Variants in XG observed in about 807,000 individuals in gnomAD.
XG encodes glycoprotein Xg.
Under a neutral mutation model 25.7 loss-of-function variants are expected in XG, and 24 were observed. The ratio of observed to expected loss-of-function variants is 0.93; its 90% confidence interval spans 0.68 to 1.31. The LOEUF (loss-of-function observed/expected upper bound fraction) is 1.31, where lower values mean the gene tolerates loss of function less well. Ranked by LOEUF, XG falls within the 40% of genes most tolerant of loss-of-function variation. The pLI, the probability that XG is intolerant of heterozygous loss-of-function variation, is 0.00. For missense variants in XG, 181 were observed against 187.6 expected, an observed-to-expected ratio of 0.96 and a Z score of 0.21; for synonymous variants, 77 against 69.2, an observed-to-expected ratio of 1.11 and a Z score of -0.56.
chrX:2,768,108 A>G (rs920637477), intron 1 of XG, among the ~76,000 whole-genome samples: 1 of 152,088 alleles, frequency 6.6e-6, no homozygotes, highest in African/African-American at 2.4e-5. Context: ...ATGCAACAGC[A>G]TTTCAGAGAG....
chrX:2,754,801 A>G (rs2050400260), intron 1 of XG, among the ~76,000 whole-genome samples: 1 of 152,214 alleles, frequency 6.6e-6, no homozygotes, highest in South Asian at 2.1e-4. Context: ...GCAGCTGATT[A>G]GATGGTGCCC....
chrX:2,765,526 C>T (rs937828902), intron 1 of XG, among the ~76,000 whole-genome samples: 2 of 152,118 alleles, frequency 1.3e-5, no homozygotes, highest in Non-Finnish European at 2.9e-5. Context: ...GTTGCACGTC[C>T]CGTAATGATT....
intron 1 of XG, among the ~76,000 whole-genome samples, chrX:2,764,067 G>T (rs1422885331): frequency 6.6e-6 from 1 of 152,202 alleles, no homozygotes; most frequent in Non-Finnish European, 1.5e-5. Flanking sequence ...ACAGCTTGCC[G>T]TAAAGAAGTC....
At chrX:2,772,530 G>A (rs1279729389) in intron 2 of XG, among the ~76,000 whole-genome samples, 1 of 152,158 alleles carries the variant, frequency 6.6e-6, no homozygotes, top group Admixed American at 6.6e-5. Context: ...ACAGAAAGTG[G>A]ATTAGCGATT....
intron 10 of XG, 83 bp downstream of exon 10, chrX:2,811,535 C>T: frequency 1.4e-6 from 1 of 705,172 alleles, no homozygotes; most frequent in African/African-American, 2.1e-5. Flanking sequence ...CTGTCACTAG[C>T]AAGGTTATTT....
At chrX:2,781,620 C>G (rs1242839642) in intron 3 of XG, among the ~76,000 whole-genome samples, 24 of 112,048 alleles carry the variant, frequency 2.1e-4, no homozygotes, top group Non-Finnish European at 5.6e-5. Context: ...GAAATAAAAA[C>G]TCTCTTCCTC....
chrX:2,811,201 A>G, intron 9 of XG, 135 bp from the exon 10 acceptor site: 1 of 430,533 alleles, frequency 2.3e-6, no homozygotes, highest in Non-Finnish European at 4.1e-6. Flanking sequence ...GATAGATGCA[A>G]AAGTTATTGC....
rs199612869 is a variant in XG at position 2,801,341 on chromosome X, GAGAGAA to G, written c.373+3987_373+3992del. Among the ~76,000 whole-genome samples the G allele has an allele frequency of 8.0e-3, 889 of 110,518 alleles. 11 individuals carry two copies. Among genetic ancestry groups the G allele is most frequent in the African/African-American group, 0.028 (850 of 30,364 alleles). On this transcript the variant is annotated intron_variant, in intron 7 of 10. Transcript: ENST00000644266. Reference sequence around the variant, plus strand: ...GCTCCTTGCAAGAGAGAGAGGGAGAGAGAGAAAGAGAGAGAGAGAAAGAGAAGCATC... The same window carrying G: ...GCTCCTTGCAAGAGAGAGAGGGAGAGAGAGAGAGAGAGAAAGAGAAGCATC...
chrX:2,794,743 A>G (rs2086868530), intron 6 of XG, 140 bp downstream of exon 6: 2 of 697,944 alleles, frequency 2.9e-6, no homozygotes, highest in African/African-American at 4.4e-5. Flanking sequence ...GCAGGGGATG[A>G]CAGAGAAGGC....
chrX:2,796,468 A>ATGTGTGTGTGTGTG (rs200727930), intron 6 of XG, among the ~76,000 whole-genome samples: 4 of 95,991 alleles, frequency 4.2e-5, no homozygotes, highest in African/African-American at 8.2e-5. Context: ...ATTTAGGTAT[A>ATGTGTGTGTGTGTG]TGTGTGTGTG....
At chrX:2,800,725 C>T (rs774817802) in intron 7 of XG, among the ~76,000 whole-genome samples, 3 of 111,622 alleles carry the variant, frequency 2.7e-5, no homozygotes, top group Non-Finnish European at 3.8e-5. Context: ...TGGTGGCCCA[C>T]GCCTGTAATC....
intron 7 of XG, among the ~76,000 whole-genome samples, chrX:2,799,116 G>A (rs189514923): frequency 9.0e-6 from 1 of 110,891 alleles, no homozygotes; most frequent in East Asian, 2.8e-4. Context: ...TAGGTTCAGG[G>A]GTCCTTGTGT....
At chrX:2,781,893 C>A (rs764493304) in intron 3 of XG, among the ~76,000 whole-genome samples, 173 bp from the exon 4 acceptor site, 1 of 111,956 alleles carries the variant, frequency 8.9e-6, no homozygotes, top group South Asian at 3.8e-4. Context: ...GGTTTTACTT[C>A]TATCTGCAAA....
Position 2,811,887 on chromosome X carries a change from T to A in XG, c.571+435T>A, listed in dbSNP as rs759629511. On this transcript the variant is annotated intron_variant, in intron 10 of 10. Transcript: ENST00000644266. ...CTGAGATTACAGGCGTGAGCCACCG[T>A]GCCTGGCCAACAATTGGGTTTTCAT... Among the ~76,000 whole-genome samples the A allele has an allele frequency of 5.4e-5, 6 of 112,027 alleles. No individual in the cohort carries two copies. In the South Asian group the frequency reaches 2.3e-3, roughly 42 times the overall value.
intron 4 of XG, among the ~76,000 whole-genome samples, chrX:2,787,613 A>G (rs1317646476): frequency 9.0e-6 from 1 of 111,627 alleles, no homozygotes; most frequent in African/African-American, 3.3e-5. Flanking sequence ...AGAGACCTCA[A>G]AAGAGAGTCT....
At chrX:2,806,318 C>T (rs1292612280) in intron 7 of XG, among the ~76,000 whole-genome samples, 3 of 111,628 alleles carry the variant, frequency 2.7e-5, no homozygotes, top group African/African-American at 6.5e-5. Context: ...TGGGAGCCAC[C>T]ACACCCAACC....
intron 1 of XG, among the ~76,000 whole-genome samples, chrX:2,764,617 C>A (rs2124426556): frequency 6.6e-6 from 1 of 152,186 alleles, no homozygotes; most frequent in East Asian, 1.9e-4. Flanking sequence ...CCTCTGTGGG[C>A]TTCCTCAAGC....
chrX:2,805,441 G>A (rs186946853), intron 7 of XG, among the ~76,000 whole-genome samples: 6 of 111,105 alleles, frequency 5.4e-5, no homozygotes, highest in Non-Finnish European at 1.1e-4. Flanking sequence ...TTGGCTCGTC[G>A]ACATCATCAT....
At chrX:2,795,935 C>T (rs1476507181) in intron 6 of XG, among the ~76,000 whole-genome samples, 107 of 110,745 alleles carry the variant, frequency 9.7e-4, no homozygotes, top group African/African-American at 3.2e-3. Context: ...GGATTACAGG[C>T]GTGAGCCACT....
Sources: gnomAD v4.1 joint callset for allele counts (sites outside exome capture counted in the v4.1 genomes callset) on GRCh38, gnomAD v4.1.1 for gene constraint, MANE v1.5 for transcripts, NCBI Gene and HGNC (gene_info 2026-07-23, HGNC 2026-07-21) for gene names.